Variants in SUGP1 observed in about 807,000 individuals in gnomAD.
SUGP1 encodes SURP and G-patch domain-containing protein 1.
SUGP1 carries 34 observed loss-of-function variants against 76.5 expected under a neutral mutation model. The ratio of observed to expected loss-of-function variants is 0.44; its 90% CI spans 0.34 to 0.59. The LOEUF (loss-of-function observed/expected upper bound fraction) is 0.59. Among genes scored for constraint, SUGP1 ranks in the 20% least tolerant of loss-of-function variants. The pLI is 0.01. For synonymous variants in SUGP1, 326 were observed against 326.2 expected (o/e 1.00, Z 0.01); for missense variants, 752 against 851.7 (o/e 0.88, Z 1.46).
intron 12 of SUGP1, among the ~76,000 whole-genome samples, chr19:19,277,402 C>A (rs1432585088): frequency 4.6e-5 from 7 of 152,132 alleles, no homozygotes; most frequent in Admixed American, 4.6e-4. Flanking sequence ...AGAGCTCCTG[C>A]CCATCTCTGG....
At chr19:19,277,454 A>G (rs2061062017) in intron 12 of SUGP1, among the ~76,000 whole-genome samples, 1 of 152,150 alleles carries the variant, frequency 6.6e-6, no homozygotes, top group Non-Finnish European at 1.5e-5. Flanking sequence ...AAGGCCCTTC[A>G]CAAGGCAGAC....
At chr19:19,305,373 C>T (rs903398449) in intron 4 of SUGP1, among the ~76,000 whole-genome samples, 2 of 152,188 alleles carry the variant, frequency 1.3e-5, no homozygotes, top group Non-Finnish European at 1.5e-5. Context: ...GACCAGTGAC[C>T]GTCCTTTCCC....
At chr19:19,311,304 T>C (rs2061351094) in intron 2 of SUGP1, among the ~76,000 whole-genome samples, 1 of 151,588 alleles carries the variant, frequency 6.6e-6, no homozygotes. Flanking sequence ...TGCTAACTTG[T>C]TAAAAACATA....
intron 12 of SUGP1, among the ~76,000 whole-genome samples, chr19:19,277,369 T>A (rs1273844923): frequency 6.6e-6 from 1 of 151,848 alleles, no homozygotes. Context: ...AAGGGGGCAC[T>A]CGGGGCCAGG....
chr19:19,292,440 G>T (rs1002984409), intron 8 of SUGP1, among the ~76,000 whole-genome samples: 2 of 152,038 alleles, frequency 1.3e-5, no homozygotes, highest in Non-Finnish European at 2.9e-5. Flanking sequence ...GGTGGCTCAC[G>T]CCTGTAATCC....
chr19:19,288,195 A>G (rs967949863), intron 8 of SUGP1, among the ~76,000 whole-genome samples: 1 of 151,606 alleles, frequency 6.6e-6, no homozygotes, highest in African/African-American at 2.4e-5. Flanking sequence ...CTCTGTTTGG[A>G]CCCTCTGTCA....
intron 8 of SUGP1, chr19:19,281,433 G>A (rs1225454987): frequency 6.6e-6 from 1 of 152,208 alleles, no homozygotes; most frequent in Non-Finnish European, 1.5e-5. Context: ...TGCAGTTGCT[G>A]GCTACAGCCC....
chr19:19,303,434 T>A lies in SUGP1; in HGVS notation c.677A>T (p.Lys226Met), dbSNP rs181184094. ...GTAGTAGAGGAATTCCCTGCTATTC[T>A]TATCGTGCAAAAATCTGGAGAGGAG... ...DNPAFAFLHD[K>M]NSREFLYYRK... is the part of the protein sequence containing the mutation. The change falls in exon 6 of 14, where the codon AAG becomes ATG. Residue 226 changes from lysine (K) to methionine (M), a missense_variant. Coordinates refer to ENST00000247001, the MANE Select transcript of SUGP1 (RefSeq NM_172231.4). The A allele has an allele frequency of 1.2e-6, 2 of 1,614,110 alleles. No individual in the cohort carries two copies. Among genetic ancestry groups the A allele is most frequent in the Non-Finnish European group, 1.7e-6 (2 of 1,179,986 alleles).
At chr19:19,313,742 G>A (rs1035130139) in intron 2 of SUGP1, among the ~76,000 whole-genome samples, 2 of 151,530 alleles carry the variant, frequency 1.3e-5, no homozygotes, top group Non-Finnish European at 2.9e-5. Flanking sequence ...GTGGCTCAAG[G>A]CTGTAATCCC....
At chr19:19,320,368 T>G in intron 1 of SUGP1, 95 bp downstream of exon 1, 1 of 1,346,664 alleles carries the variant, frequency 7.4e-7, no homozygotes, top group Non-Finnish European at 1.0e-6. Flanking sequence ...AAGCGAGGGA[T>G]CCACGGGTCG....
intron 2 of SUGP1, 76 bp downstream of exon 2, chr19:19,316,346 T>C: frequency 6.4e-7 from 1 of 1,567,592 alleles, no homozygotes; most frequent in Non-Finnish European, 8.7e-7. Context: ...CTGACTGCCC[T>C]CACAAGCCAA....
At chr19:19,317,587 A>G (rs990476997) in intron 1 of SUGP1, among the ~76,000 whole-genome samples, 7 of 151,794 alleles carry the variant, frequency 4.6e-5, no homozygotes, top group African/African-American at 1.7e-4. Flanking sequence ...GTGTGATCTC[A>G]GCTCACTGCA....
At chr19:19,307,630 TGGGA>T (rs1166807956) in intron 3 of SUGP1, among the ~76,000 whole-genome samples, 1 of 152,090 alleles carries the variant, frequency 6.6e-6, no homozygotes, top group Non-Finnish European at 1.5e-5. Context: ...GAAAGGGGGA[TGGGA>T]GGACTTCAAC....
At chr19:19,296,745 T>G (rs2061228773) in intron 8 of SUGP1, among the ~76,000 whole-genome samples, 2 of 152,000 alleles carry the variant, frequency 1.3e-5, no homozygotes, top group African/African-American at 2.4e-5. Context: ...CTGAAAACGA[T>G]TCAGATAGTC....
At chr19:19,317,260 G>A (rs755008745) in intron 1 of SUGP1, among the ~76,000 whole-genome samples, 2 of 152,064 alleles carry the variant, frequency 1.3e-5, no homozygotes, top group Non-Finnish European at 2.9e-5. Flanking sequence ...CACTAGAAGA[G>A]GAGACATTTA....
intron 2 of SUGP1, among the ~76,000 whole-genome samples, chr19:19,315,568 C>T (rs1364369031): frequency 6.6e-6 from 1 of 152,210 alleles, no homozygotes; most frequent in Non-Finnish European, 1.5e-5. Flanking sequence ...CACCTGCCAT[C>T]CACTAAGGGA....
chr19:19,316,591 T>C lies in SUGP1; in HGVS notation c.37A>G (p.Lys13Glu). The change falls in exon 2 of 14, where the codon AAG becomes GAG. Residue 13 changes from lysine to glutamate, a missense_variant and splice_region_variant. Transcript: ENST00000247001. ...LKMDNRDVAGKANRWFGVAPP... is the reference protein window; with the variant it reads ...LKMDNRDVAGEANRWFGVAPP... Reference sequence around the variant, plus strand: ...GCAACCCCAAACCACCGGTTAGCCTTTCCTGGGGAGGGAAAAGGAGTACGT... The same window carrying C: ...GCAACCCCAAACCACCGGTTAGCCTCTCCTGGGGAGGGAAAAGGAGTACGT... 1.2e-6 allele frequency: 2 copies of C among 1,613,898 alleles called. No homozygotes were observed. Among genetic ancestry groups the C allele is most frequent in the East Asian group, 2.2e-5 (1 of 44,866 alleles).
intron 1 of SUGP1, among the ~76,000 whole-genome samples, chr19:19,319,743 A>G (rs1415029145): frequency 6.6e-6 from 1 of 151,538 alleles, no homozygotes; most frequent in Non-Finnish European, 1.5e-5. Context: ...AGAAAGAAAG[A>G]AAAGGTCTTT....
At chr19:19,278,619 T>C (rs970308078) in intron 11 of SUGP1, 71 bp downstream of exon 11, 5 of 1,415,706 alleles carry the variant, frequency 3.5e-6, no homozygotes, top group Middle Eastern at 1.7e-4. Context: ...TTTGGGCACC[T>C]GCAGGGTGAG....
Sources: allele counts gnomAD v4.1 joint callset (sites outside exome capture counted in the v4.1 genomes callset), GRCh38; gene constraint gnomAD v4.1.1; transcripts MANE v1.5; gene names NCBI Gene and HGNC (gene_info 2026-07-23, HGNC 2026-07-21).